Variants in ZNF829 observed in about 807,000 individuals in gnomAD.
The protein encoded by ZNF829 is zinc finger protein 829.
Under a neutral mutation model 35.2 loss-of-function variants are expected in ZNF829, and 25 were observed. That is an observed-to-expected ratio of 0.71 (90% CI 0.52 to 0.99). The LOEUF is 0.99. Among genes scored for constraint, ZNF829 ranks in the 50% least tolerant of loss-of-function variants. ZNF829 has a pLI of 0.00. For synonymous variants in ZNF829, 136 were observed against 163.2 expected (o/e 0.83, Z 1.27); for missense variants, 417 against 515.3 (o/e 0.81, Z 1.85).
chr19:36,900,458 T>C (rs956684688), intron 5 of ZNF829, among the ~76,000 whole-genome samples: 1 of 151,978 alleles, frequency 6.6e-6, no homozygotes, highest in Non-Finnish European at 1.5e-5. Flanking sequence ...TCTCCTGATA[T>C]AAGCATTGCC....
chr19:36,903,843 C>A (rs1359768450), intron 5 of ZNF829, among the ~76,000 whole-genome samples: 3 of 150,108 alleles, frequency 2.0e-5, no homozygotes, highest in Non-Finnish European at 4.4e-5. Flanking sequence ...CCAGCCTGGG[C>A]AACAAGAGTA....
At chr19:36,904,396 T>C (rs936062252) in intron 5 of ZNF829, among the ~76,000 whole-genome samples, 2 of 152,014 alleles carry the variant, frequency 1.3e-5, no homozygotes, top group Admixed American at 1.3e-4. Context: ...CAGGCTGCTG[T>C]TTTTCTTTTT....
At chr19:36,895,149 C>T (rs1400950360) in intron 5 of ZNF829, among the ~76,000 whole-genome samples, 1 of 152,012 alleles carries the variant, frequency 6.6e-6, no homozygotes, top group East Asian at 1.9e-4. Flanking sequence ...CCTTCCATGC[C>T]AGGAAAGAAT....
intron 5 of ZNF829, chr19:36,901,757 A>G (rs2073167849): frequency 7.4e-6 from 4 of 538,638 alleles, no homozygotes; most frequent in Non-Finnish European, 1.0e-5. Context: ...TCCCACAAAG[A>G]AGGGTGGTGA....
At chr19:36,896,425 G>A (rs925443459) in intron 5 of ZNF829, among the ~76,000 whole-genome samples, 6 of 152,178 alleles carry the variant, frequency 3.9e-5, no homozygotes, top group Admixed American at 3.3e-4. Context: ...AGAGGTTGCA[G>A]TGAGCCAATA....
intron 1 of ZNF829, 94 bp from the exon 2 acceptor site, chr19:36,915,345 A>C: frequency 6.9e-7 from 1 of 1,450,092 alleles, no homozygotes; most frequent in Non-Finnish European, 9.2e-7. Context: ...AGTCACACTT[A>C]AGGCGACATG....
chr19:36,908,275 G>A, intron 4 of ZNF829, 58 bp downstream of exon 4: 1 of 1,562,354 alleles, frequency 6.4e-7, no homozygotes, highest in Non-Finnish European at 8.7e-7. Flanking sequence ...AATTCACAAT[G>A]GAGAAAGGAG....
chr19:36,895,662 A>C (rs1352631929), intron 5 of ZNF829, among the ~76,000 whole-genome samples: 1 of 152,042 alleles, frequency 6.6e-6, no homozygotes, highest in Non-Finnish European at 1.5e-5. Flanking sequence ...GAAGAGATGA[A>C]AAAAAAATAC....
chr19:36,899,584 G>A (rs1157511447), intron 5 of ZNF829, among the ~76,000 whole-genome samples: 1 of 151,664 alleles, frequency 6.6e-6, no homozygotes, highest in Non-Finnish European at 1.5e-5. Context: ...TACGTTGTAT[G>A]AATGTATCAA....
At chr19:36,910,346 A>C (rs2073253973) in intron 3 of ZNF829, among the ~76,000 whole-genome samples, 1 of 152,100 alleles carries the variant, frequency 6.6e-6, no homozygotes, top group African/African-American at 2.4e-5. Flanking sequence ...CAGCCTCCCA[A>C]AGTGCTGGGA....
Position 36,916,112 on chromosome 19 carries a change from G to A in ZNF829, c.-186C>T. 1 of 580,814 alleles carries A rather than the reference G, an allele frequency of 1.7e-6. No individual in the cohort carries two copies. The highest frequency in any genetic ancestry group is 2.9e-6 in the Non-Finnish European group (1 of 340,908). The allele number at this position is 580,814 out of a possible 1,614,324, so 36.0% of individuals were successfully genotyped here. A position where few individuals can be genotyped will look rare whatever the true frequency, so the allele number is the denominator to read the frequency against. On this transcript the variant is annotated 5_prime_UTR_variant, in exon 1 of 6. Transcript: ENST00000391711. The surrounding 1 kb of genome is among the most constrained non-coding windows in gnomAD (Gnocchi z 5.3). ...CTCTGGGAAATGTAGTCCAGAGCGG[G>A]ACCCACGCCGATTCCTGTCAGCTCC...
chr19:36,891,818 C>G lies in ZNF829; in HGVS notation c.973G>C (p.Glu325Gln). Residue 325 changes from glutamate (E) to glutamine (Q), a missense_variant, in exon 6 of 6, where the codon GAA becomes CAA. Coordinates refer to ENST00000391711, the MANE Select transcript of ZNF829 (RefSeq NM_001037232.4). ...QRMHTGEKPY[E>Q]CKQCGKAFNS... The stretch of plus-strand genomic sequence containing the variant: ...AAGGCCTTCCCACACTGCTTACATT[C>G]ATAAGGTTTCTCACCAGTATGCATT... The G allele has an allele frequency of 1.2e-6, 2 of 1,614,128 alleles. No homozygotes were observed. Among genetic ancestry groups the G allele is most frequent in the Non-Finnish European group, 1.7e-6 (2 of 1,180,026 alleles).
Position 36,892,276 on chromosome 19 carries a change from A to G in ZNF829, c.515T>C (p.Ile172Thr). ...GKTFNQNSQF[I>T]QHQRIHFGEK... ...ACCAAAATGAATTCTCTGATGTTGG[A>G]TAAATTGTGAGTTTTGATTAAAGGT... The change falls in exon 6 of 6, where the codon ATC becomes ACC. Residue 172 changes from isoleucine to threonine, a missense_variant. By Grantham distance (89) the Ile-to-Thr change is moderately conservative. Coordinates refer to ENST00000391711, the MANE Select transcript of ZNF829 (RefSeq NM_001037232.4). 6.2e-7 allele frequency: 1 copy of G among 1,613,916 alleles called. No individual in the cohort carries two copies. Among genetic ancestry groups the G allele is most frequent in the South Asian group, 1.1e-5 (1 of 91,084 alleles).
At position 36,896,306 on chromosome 19, in the gene ZNF829, C is replaced by CA. The variant is rs536542334; in HGVS notation, c.320-3836dup. ...AGCTTGGGTGACAGAGCAAGACTGT[C>CA]AAAAAAAAAAAAAGAAAGAAAAAAA... On this transcript the variant is annotated intron_variant, in intron 5 of 5. Transcript: ENST00000391711. Among the ~76,000 whole-genome samples, 273 of 105,760 alleles carry CA rather than the reference C, an allele frequency of 2.6e-3. 2 individuals carry two copies. Among genetic ancestry groups the CA allele is most frequent in the East Asian group, 0.011 (41 of 3,616 alleles). The allele number at this position is 105,760 out of a possible 152,430, so 69.4% of individuals were successfully genotyped here.
At chr19:36,904,955 G>T (rs2146242466) in intron 5 of ZNF829, among the ~76,000 whole-genome samples, 1 of 152,230 alleles carries the variant, frequency 6.6e-6, no homozygotes, top group South Asian at 2.1e-4. Context: ...GGGAAAAAGT[G>T]AAGATTCACA....
chr19:36,892,020 A>G lies in ZNF829; in HGVS notation c.771T>C (p.Asp257=). The G allele has an allele frequency of 2.5e-6, 4 of 1,613,312 alleles. No individual in the cohort carries two copies. Among genetic ancestry groups the G allele is most frequent in the Non-Finnish European group, 3.4e-6 (4 of 1,179,698 alleles). The change falls in exon 6 of 6, where the codon GAT becomes GAC. Residue 257 remains aspartate, a synonymous_variant. Transcript: ENST00000391711. The stretch of plus-strand genomic sequence containing the variant: ...TCTCACCAGTGTGAATTCTCTGATG[A>G]TCATTAAGGTTTGAGCAATACTTAA... The part of the protein sequence containing the change: ...KAFKYCSNLN[D]HQRIHTGEKP...
rs758926809 is a variant in ZNF829, at chr19:36,915,188, C to A, written c.-21G>T. ...GGCATTCTGTCCAATTCCAGTGGCT[C>A]AGGGGAAAGGTTGTGTTCACTGCTG... On this transcript the variant is annotated 5_prime_UTR_variant, in exon 2 of 6. Transcript: ENST00000391711. 15 of 1,613,858 alleles carry A rather than the reference C, an allele frequency of 9.3e-6. No homozygotes were observed. The highest frequency in any genetic ancestry group is 1.7e-6 in the Non-Finnish European group (2 of 1,179,938).
chr19:36,908,212 A>T, intron 4 of ZNF829, 121 bp downstream of exon 4: 1 of 1,411,860 alleles, frequency 7.1e-7, no homozygotes, highest in Non-Finnish European at 9.6e-7. Context: ...TTTAACTCAA[A>T]CCATTCCTTA....
chr19:36,906,019 C>T (rs2073212751), intron 5 of ZNF829: 1 of 152,030 alleles, frequency 6.6e-6, no homozygotes, highest in African/African-American at 2.4e-5. Flanking sequence ...ACTAAGAAGT[C>T]AACTGGATAT....
Sources: gnomAD v4.1 joint callset for allele counts (sites outside exome capture counted in the v4.1 genomes callset) on GRCh38, gnomAD v4.1.1 for gene constraint, Gnocchi (gnomAD v3.1) non-coding constraint, MANE v1.5 for transcripts, NCBI Gene and HGNC (gene_info 2026-07-23, HGNC 2026-07-21) for gene names.